CTNNA3: variants seen among roughly 807,000 people sequenced by gnomAD.
The protein encoded by CTNNA3 is catenin alpha 3, also known as catenin alpha-3.
CTNNA3 carries 76 observed loss-of-function variants against 95.7 expected under a neutral mutation model. The observed-to-expected ratio is 0.79, with a 90% CI of 0.66 to 0.96. The LOEUF (loss-of-function observed/expected upper bound fraction) is 0.96, where lower values mean the gene tolerates loss of function less well. Among genes scored for constraint, CTNNA3 ranks in the 40% least tolerant of loss-of-function variants. CTNNA3 has a pLI of 0.00. For missense variants in CTNNA3, 1,191 were observed against 1,089.8 expected, an observed-to-expected ratio of 1.09 and a Z score of -1.31; for synonymous variants, 431 against 374.4, an observed-to-expected ratio of 1.15 and a Z score of -1.74.
At chr10:66,591,885 A>G (rs1303459670) in intron 10 of CTNNA3, among the ~76,000 whole-genome samples, 1 of 152,158 alleles carries the variant, frequency 6.6e-6, no homozygotes, top group Non-Finnish European at 1.5e-5. Flanking sequence ...TTCTTTAACT[A>G]CAGAATAAGA....
intron 15 of CTNNA3, among the ~76,000 whole-genome samples, chr10:65,990,225 T>A (rs901230562): frequency 2.6e-5 from 4 of 152,046 alleles, no homozygotes; most frequent in African/African-American, 9.7e-5. Context: ...GCTGATTTCC[T>A]TTTCTTTGGA....
At chr10:66,554,950 C>A (rs1393079198) in intron 10 of CTNNA3, among the ~76,000 whole-genome samples, 1 of 151,976 alleles carries the variant, frequency 6.6e-6, no homozygotes, top group African/African-American at 2.4e-5. Flanking sequence ...GCATACTTGG[C>A]TCTCTGATTA....
intron 5 of CTNNA3, among the ~76,000 whole-genome samples, chr10:67,379,638 C>T (rs1387212774): frequency 1.3e-5 from 2 of 152,140 alleles, no homozygotes; most frequent in African/African-American, 2.4e-5. Context: ...CAGGTCCACA[C>T]TTAATACAAG....
At chr10:67,045,824 C>A (rs1231695125) in intron 7 of CTNNA3, among the ~76,000 whole-genome samples, 1 of 152,126 alleles carries the variant, frequency 6.6e-6, no homozygotes, top group Non-Finnish European at 1.5e-5. Flanking sequence ...AGTGGCAGCT[C>A]CAGTGAAGCC....
At chr10:66,596,280 C>T (rs1401860458) in intron 10 of CTNNA3, among the ~76,000 whole-genome samples, 2 of 152,108 alleles carry the variant, frequency 1.3e-5, no homozygotes, top group African/African-American at 4.8e-5. Flanking sequence ...TGGACTCCCC[C>T]AGCTAACTGA....
chr10:67,590,985 TA>T (rs1040428927), intron 3 of CTNNA3, among the ~76,000 whole-genome samples: 7 of 151,290 alleles, frequency 4.6e-5, no homozygotes, highest in Admixed American at 4.0e-4. Context: ...TCCCAAAGCG[TA>T]AAAAAAAACT....
intron 13 of CTNNA3, among the ~76,000 whole-genome samples, chr10:66,217,724 C>T (rs927293524): frequency 6.6e-6 from 1 of 152,106 alleles, no homozygotes. Context: ...GCCATTTTCT[C>T]CCCCCAAAAG....
At chr10:65,997,913 G>T (rs1239379487) in intron 15 of CTNNA3, among the ~76,000 whole-genome samples, 1 of 152,136 alleles carries the variant, frequency 6.6e-6, no homozygotes, top group Admixed American at 6.5e-5. Flanking sequence ...TACCTGGGAG[G>T]CTGAGGCAGG....
At chr10:66,275,266 C>T (rs919078964) in intron 13 of CTNNA3, among the ~76,000 whole-genome samples, 8 of 152,158 alleles carry the variant, frequency 5.3e-5, no homozygotes, top group Non-Finnish European at 1.2e-4. Flanking sequence ...TACAGGCACG[C>T]ACCATCATGC....
intron 5 of CTNNA3, among the ~76,000 whole-genome samples, chr10:67,326,636 T>G (rs1229064921): frequency 1.3e-5 from 2 of 152,170 alleles, no homozygotes; most frequent in Non-Finnish European, 2.9e-5. Context: ...ACCTGACCTT[T>G]CTCTCTAGCT....
At chr10:66,388,925 T>C (rs2092914483) in intron 11 of CTNNA3, among the ~76,000 whole-genome samples, 1 of 152,090 alleles carries the variant, frequency 6.6e-6, no homozygotes, top group Non-Finnish European at 1.5e-5. Flanking sequence ...AAAATCAAAA[T>C]GTTAGGTACC....
chr10:67,558,847 G>T (rs1013391392), intron 3 of CTNNA3, among the ~76,000 whole-genome samples: 1 of 152,212 alleles, frequency 6.6e-6, no homozygotes, highest in African/African-American at 2.4e-5. Context: ...CCCGCACATG[G>T]CTCGGAGGGT....
intron 13 of CTNNA3, among the ~76,000 whole-genome samples, chr10:66,205,806 T>C (rs752798026): frequency 6.6e-6 from 1 of 152,034 alleles, no homozygotes; most frequent in African/African-American, 2.4e-5. Flanking sequence ...TGTCATTATG[T>C]GTAGCTGAGT....
chr10:66,654,781 A>G (rs942362308), intron 9 of CTNNA3, among the ~76,000 whole-genome samples: 1 of 152,130 alleles, frequency 6.6e-6, no homozygotes, highest in African/African-American at 2.4e-5. Context: ...GTCTTAAATA[A>G]GAAGGAAATC....
chr10:67,148,296 C>T (rs899828871), intron 7 of CTNNA3, among the ~76,000 whole-genome samples: 1 of 152,150 alleles, frequency 6.6e-6, no homozygotes, highest in Non-Finnish European at 1.5e-5. Context: ...AAATATATTT[C>T]CTGAATAGCC....
Position 66,871,933 on chromosome 10 carries a change from C to T in CTNNA3, c.1048-96409G>A, listed in dbSNP as rs115303552. Among the ~76,000 whole-genome samples the T allele has an allele frequency of 4.5e-3, 691 of 152,266 alleles. 5 individuals carry two copies. Among genetic ancestry groups the T allele is most frequent in the African/African-American group, 0.016 (661 of 41,552 alleles). The stretch of plus-strand genomic sequence containing the variant: ...TCTTTACTGGACAAAAATATTCTGA[C>T]CAATAAATTTTGCACACAACTATAG... On this transcript the variant is annotated intron_variant, in intron 7 of 17. Coordinates refer to ENST00000433211, the MANE Select transcript of CTNNA3 (RefSeq NM_013266.4).
chr10:67,698,190 G>C (rs1227260243), upstream of CTNNA3, among the ~76,000 whole-genome samples: 2 of 151,752 alleles, frequency 1.3e-5, no homozygotes, highest in Non-Finnish European at 2.9e-5. Flanking sequence ...TAAAATTTTG[G>C]CTCACATGCC....
At chr10:67,407,861 G>T (rs1845199510) in intron 5 of CTNNA3, among the ~76,000 whole-genome samples, 1 of 152,156 alleles carries the variant, frequency 6.6e-6, no homozygotes, top group Admixed American at 6.5e-5. Flanking sequence ...AGCTAACAGG[G>T]AAGTGAAGGA....
intron 15 of CTNNA3, among the ~76,000 whole-genome samples, chr10:66,030,496 T>C (rs2079429452): frequency 6.6e-6 from 1 of 152,062 alleles, no homozygotes. Context: ...GGGATAACTG[T>C]CTATCCGTAT....
Sources: allele counts gnomAD v4.1 joint callset (sites outside exome capture counted in the v4.1 genomes callset), GRCh38; gene constraint gnomAD v4.1.1; transcripts MANE v1.5; gene names NCBI Gene and HGNC (gene_info 2026-07-23, HGNC 2026-07-21).